INSC: variants seen among roughly 807,000 people sequenced by gnomAD.
INSC encodes protein inscuteable homolog.
A neutral mutation model predicts 58.6 loss-of-function variants in INSC; 67 were observed. The ratio of observed to expected loss-of-function variants is 1.14; its 90% CI spans 0.94 to 1.40. The LOEUF (loss-of-function observed/expected upper bound fraction) is 1.40. Ranked by LOEUF, INSC falls within the 40% of genes most tolerant of loss-of-function variation. The pLI, the probability that INSC is intolerant of heterozygous loss-of-function variation, is 0.00. For synonymous variants in INSC, 262 were observed against 276.1 expected, an observed-to-expected ratio of 0.95 and a Z score of 0.51; for missense variants, 714 against 692.0, an observed-to-expected ratio of 1.03 and a Z score of -0.36.
At chr11:15,257,103 C>A in the INSC span, among the ~76,000 whole-genome samples, 2 of 152,246 alleles carry the variant, frequency 1.3e-5, no homozygotes, top group South Asian at 4.1e-4. Context: ...AATGATAGAA[C>A]CTGCTGAGGC....
chr11:15,218,033 G>T (rs1433581893), intron 7 of INSC, among the ~76,000 whole-genome samples: 1 of 152,138 alleles, frequency 6.6e-6, no homozygotes, highest in Non-Finnish European at 1.5e-5. Flanking sequence ...CTCCTAGATT[G>T]GGATCTCTGA....
intron 1 of INSC, among the ~76,000 whole-genome samples, chr11:15,143,816 A>G (rs1848429224): frequency 6.6e-6 from 1 of 152,192 alleles, no homozygotes; most frequent in South Asian, 2.1e-4. Flanking sequence ...CAGGCAAGAC[A>G]TCCAGATCTA....
intron 3 of INSC, among the ~76,000 whole-genome samples, 160 bp downstream of exon 3, chr11:15,176,246 G>A (rs577390917): frequency 6.6e-6 from 1 of 152,112 alleles, no homozygotes; most frequent in Admixed American, 6.5e-5. Flanking sequence ...TTTACTGAGT[G>A]CCTACTATGT....
intron 12 of INSC, among the ~76,000 whole-genome samples, chr11:15,243,677 G>T (rs1307449994): frequency 6.6e-6 from 1 of 151,962 alleles, no homozygotes; most frequent in Non-Finnish European, 1.5e-5. Context: ...GTTGTGTTTT[G>T]GTTTCTGCTT....
chr11:15,267,235 C>A, the INSC span, among the ~76,000 whole-genome samples: 1 of 151,960 alleles, frequency 6.6e-6, no homozygotes, highest in Non-Finnish European at 1.5e-5. Context: ...CTTTGCTCCT[C>A]TATATAATGT....
At chr11:15,238,114 G>T (rs1456879458) in intron 10 of INSC, among the ~76,000 whole-genome samples, 2 of 151,990 alleles carry the variant, frequency 1.3e-5, no homozygotes, top group African/African-American at 2.4e-5. Context: ...TAGATGGAGC[G>T]TCAAGAGGGA....
At chr11:15,245,190 G>T (rs1256994606) in intron 12 of INSC, among the ~76,000 whole-genome samples, 1 of 152,120 alleles carries the variant, frequency 6.6e-6, no homozygotes. Flanking sequence ...GGTTGCACAG[G>T]GGAGGGAGGG....
intron 1 of INSC, among the ~76,000 whole-genome samples, chr11:15,148,638 A>G (rs574683214): frequency 1.4e-5 from 2 of 143,486 alleles, no homozygotes; most frequent in Non-Finnish European, 3.1e-5. Flanking sequence ...CTATGCCGAT[A>G]ACAGGGTCAC....
chr11:15,114,973 G>T lies in INSC; in HGVS notation c.-76G>T. On this transcript the variant is annotated 5_prime_UTR_variant, in exon 1 of 13. Transcript: ENST00000379556. ...CAGCTGCGCCCCGCCACCACTGGCCGCTCGCACTACCAGCCTGTCTCGCAC... is the reference window on the plus strand; with the variant it reads ...CAGCTGCGCCCCGCCACCACTGGCCTCTCGCACTACCAGCCTGTCTCGCAC... 6 of 985,464 alleles carry T rather than the reference G, an allele frequency of 6.1e-6. No individual in the cohort carries two copies. Among genetic ancestry groups the T allele is most frequent in the Non-Finnish European group, 7.2e-6 (6 of 829,944 alleles). 61.0% of individuals were successfully genotyped at this position (985,464 alleles called of 1,614,324 possible). A position where few individuals can be genotyped will look rare whatever the true frequency, so the allele number is the denominator to read the frequency against.
At chr11:15,161,966 T>C (rs1414802198) in intron 2 of INSC, among the ~76,000 whole-genome samples, 2 of 152,236 alleles carry the variant, frequency 1.3e-5, no homozygotes, top group Non-Finnish European at 2.9e-5. Context: ...TAAATAATTA[T>C]GGTTTAATTA....
chr11:15,246,106 C>T lies in INSC; in HGVS notation c.*66C>T. 1 of 1,543,724 alleles carries T rather than the reference C, an allele frequency of 6.5e-7. No homozygotes were observed. Among genetic ancestry groups the T allele is most frequent in the Non-Finnish European group, 8.9e-7 (1 of 1,120,832 alleles). On this transcript the variant is annotated 3_prime_UTR_variant, in exon 13 of 13. Coordinates refer to ENST00000379556, the MANE Select transcript of INSC (RefSeq NM_001042536.3). ...CCCTCTGACTATGCACCAGTGAACACATCTGAGTACATACCAGCTCTCCTC... is the reference window on the plus strand; with the variant it reads ...CCCTCTGACTATGCACCAGTGAACATATCTGAGTACATACCAGCTCTCCTC...
the INSC span, among the ~76,000 whole-genome samples, chr11:15,265,021 T>A: frequency 1.3e-5 from 2 of 152,252 alleles, no homozygotes; most frequent in Non-Finnish European, 2.9e-5. Flanking sequence ...AGAATGTGTT[T>A]TAAGCAGAAA....
intron 1 of INSC, among the ~76,000 whole-genome samples, chr11:15,118,680 G>A (rs1847795441): frequency 1.3e-5 from 2 of 152,146 alleles, no homozygotes; most frequent in Non-Finnish European, 2.9e-5. Context: ...ACTAAGACTG[G>A]ACCACATCTC....
intron 1 of INSC, among the ~76,000 whole-genome samples, chr11:15,130,939 GTTTAT>G (rs60621969): frequency 0.038 from 5,717 of 151,940 alleles, 160 homozygotes; most frequent in South Asian, 0.082. Flanking sequence ...CTTGCCAGCA[GTTTAT>G]TTTATGTTTT....
chr11:15,222,379 T>G lies in INSC; in HGVS notation c.991+731T>G, dbSNP rs1851478367. Among the ~76,000 whole-genome samples, 3 of 152,184 alleles carry G rather than the reference T, an allele frequency of 2.0e-5. No homozygotes were observed. In the South Asian group the frequency reaches 6.2e-4, roughly 32 times the overall value. On this transcript the variant is annotated intron_variant, in intron 8 of 12. Transcript: ENST00000379556. ...GCACTCTCTTTGTATCTAATTGAAA[T>G]GGAATGAAATTTAATTTTATCAGAA...
chr11:15,114,311 A>T (rs1847639858), upstream of INSC, among the ~76,000 whole-genome samples: 1 of 151,886 alleles, frequency 6.6e-6, no homozygotes, highest in Admixed American at 6.6e-5. Flanking sequence ...TTTCTGCAAC[A>T]ACCCCTCGTC....
upstream of INSC, chr11:15,112,413 C>G (rs979586950): frequency 7.1e-7 from 1 of 1,414,174 alleles, no homozygotes; most frequent in East Asian, 2.3e-5. Context: ...GGGAAAGAAG[C>G]TGTTCACAGG....
At chr11:15,182,877 C>CA (rs111405930) in intron 5 of INSC, among the ~76,000 whole-genome samples, 3,102 of 152,238 alleles carry the variant, frequency 0.02, 114 homozygotes, top group African/African-American at 0.071. Context: ...TTCCAAAAGG[C>CA]ATACTCTTCA....
chr11:15,183,036 T>C (rs1263954112), intron 5 of INSC, among the ~76,000 whole-genome samples: 1 of 152,136 alleles, frequency 6.6e-6, no homozygotes, highest in Non-Finnish European at 1.5e-5. Flanking sequence ...CATATTTATG[T>C]TGAGTATGCC....
Sources: gnomAD v4.1 joint callset for allele counts (sites outside exome capture counted in the v4.1 genomes callset) on GRCh38, gnomAD v4.1.1 for gene constraint, MANE v1.5 for transcripts, NCBI Gene and HGNC (gene_info 2026-07-23, HGNC 2026-07-21) for gene names.